Variants in TRIM33 observed in about 807,000 individuals in gnomAD.
TRIM33 encodes tripartite motif containing 33, also known as E3 ubiquitin-protein ligase TRIM33.
A neutral mutation model predicts 125.4 loss-of-function variants in TRIM33; 20 were observed. That is an observed-to-expected ratio of 0.16 (90% confidence interval 0.11 to 0.23). The LOEUF is 0.23. Among genes scored for constraint, TRIM33 ranks in the 10% least tolerant of loss-of-function variants. TRIM33 has a pLI of 1.00. For synonymous variants in TRIM33, 564 were observed against 513.9 expected (o/e 1.10, Z -1.32); for missense variants, 920 against 1,411.4 (o/e 0.65, Z 5.58).
chr1:114,501,673 G>A (rs1652728822), intron 1 of TRIM33, among the ~76,000 whole-genome samples: 1 of 152,154 alleles, frequency 6.6e-6, no homozygotes, highest in South Asian at 2.1e-4. Context: ...CATAGGCTCA[G>A]AATAAATCTT....
intron 1 of TRIM33, among the ~76,000 whole-genome samples, chr1:114,496,152 C>T (rs1311456543): frequency 6.6e-6 from 1 of 152,206 alleles, no homozygotes; most frequent in Non-Finnish European, 1.5e-5. Flanking sequence ...CATATCTGCC[C>T]TACGGCAGAC....
intron 1 of TRIM33, chr1:114,468,347 C>A: frequency 6.6e-6 from 2 of 303,720 alleles, no homozygotes; most frequent in South Asian, 3.0e-5. Flanking sequence ...TTTGATCCTA[C>A]TATGACCAAG....
chr1:114,464,048 C>A (rs931158535), intron 2 of TRIM33, among the ~76,000 whole-genome samples: 1 of 152,106 alleles, frequency 6.6e-6, no homozygotes, highest in Non-Finnish European at 1.5e-5. Flanking sequence ...CGACAACAGG[C>A]GTGAGCCACC....
chr1:114,473,382 T>C (rs1650774329), intron 1 of TRIM33, among the ~76,000 whole-genome samples: 2 of 152,124 alleles, frequency 1.3e-5, no homozygotes, highest in African/African-American at 4.8e-5. Flanking sequence ...GGGGTTCTTA[T>C]TCCTGACGCA....
At chr1:114,487,086 C>CAAA (rs60855013) in intron 1 of TRIM33, among the ~76,000 whole-genome samples, 1 of 118,404 alleles carries the variant, frequency 8.4e-6, no homozygotes, top group African/African-American at 3.1e-5. Flanking sequence ...GACTCTGTCT[C>CAAA]AAAAAAAAAA....
chr1:114,446,070 G>A (rs1301854294), intron 4 of TRIM33, among the ~76,000 whole-genome samples: 4 of 152,102 alleles, frequency 2.6e-5, no homozygotes, highest in African/African-American at 9.7e-5. Context: ...TGCCCAGACT[G>A]GTCTCGAACT....
chr1:114,475,693 A>AATG (rs1462194728), intron 1 of TRIM33, among the ~76,000 whole-genome samples: 4 of 151,288 alleles, frequency 2.6e-5, no homozygotes, highest in African/African-American at 9.7e-5. Context: ...AAATAAAAAT[A>AATG]AATGTTTAAC....
Position 114,397,633 on chromosome 1 carries a change from T to A in TRIM33, c.*15A>T. ...TTTTTTTTTTTTTAAACAATTGATT[T>A]AAATCCATGTCATTTTACTTTATAT... On this transcript the variant is annotated 3_prime_UTR_variant, in exon 20 of 20. Coordinates refer to ENST00000358465, the MANE Select transcript of TRIM33 (RefSeq NM_015906.4). 1 of 1,453,444 alleles carries A rather than the reference T, an allele frequency of 6.9e-7. No individual in the cohort carries two copies. The highest frequency in any genetic ancestry group is 9.6e-7 in the Non-Finnish European group (1 of 1,040,268). The allele number at this position is 1,453,444 out of a possible 1,614,324, so 90.0% of individuals were successfully genotyped here.
intron 4 of TRIM33, among the ~76,000 whole-genome samples, chr1:114,434,165 A>G (rs1443817225): frequency 6.6e-6 from 1 of 152,178 alleles, no homozygotes; most frequent in Non-Finnish European, 1.5e-5. Flanking sequence ...TTTTAATTAT[A>G]CATGTACTTA....
At chr1:114,498,808 A>G (rs1276757386) in intron 1 of TRIM33, among the ~76,000 whole-genome samples, 1 of 152,216 alleles carries the variant, frequency 6.6e-6, no homozygotes, top group African/African-American at 2.4e-5. Context: ...TAGTTCAATA[A>G]GAGTGGGAGG....
intron 15 of TRIM33, 32 bp downstream of exon 15, chr1:114,405,378 T>C (rs746500273): frequency 1.3e-6 from 2 of 1,520,350 alleles, no homozygotes; most frequent in African/African-American, 1.4e-5. Flanking sequence ...CTTATGAAAA[T>C]CAACACCAAA....
Position 114,429,791 on chromosome 1 carries a change from T to G in TRIM33, c.1155+1007A>C, listed in dbSNP as rs535999288. Among the ~76,000 whole-genome samples the G allele has an allele frequency of 1.6e-4, 24 of 152,268 alleles. No individual in the cohort carries two copies. The South Asian group carries it at 4.8e-3, about 30-fold the overall frequency. ...CAGAAAATATTTCTCTTTCCAAAAT[T>G]TCAACTTTCCAGAGCATGAAATTTT... On this transcript the variant is annotated intron_variant, in intron 6 of 19. Coordinates refer to ENST00000358465, the MANE Select transcript of TRIM33 (RefSeq NM_015906.4).
chr1:114,478,690 A>G (rs979945282), intron 1 of TRIM33, among the ~76,000 whole-genome samples: 3 of 152,232 alleles, frequency 2.0e-5, no homozygotes, highest in African/African-American at 7.2e-5. Context: ...CGAACTATAA[A>G]AAGAAGCCAC....
At chr1:114,418,830 A>AT (rs1653094505) in intron 11 of TRIM33, among the ~76,000 whole-genome samples, 1 of 151,456 alleles carries the variant, frequency 6.6e-6, no homozygotes, top group Non-Finnish European at 1.5e-5. Context: ...ATTAAGGGGG[A>AT]TTTTCCCACA....
chr1:114,425,370 G>A (rs1647496432), intron 9 of TRIM33, 79 bp downstream of exon 9: 3 of 1,534,852 alleles, frequency 2.0e-6, no homozygotes, highest in Non-Finnish European at 2.6e-6. Flanking sequence ...TTTGAAATGT[G>A]TAACTTAATT....
At chr1:114,420,533 A>G (rs919624018) in intron 11 of TRIM33, 2 of 704,284 alleles carry the variant, frequency 2.8e-6, no homozygotes, top group African/African-American at 1.8e-5. Context: ...CTGTTTAGAT[A>G]TTCCCATAAT....
chr1:114,407,309 C>A (rs1652308167), intron 13 of TRIM33, among the ~76,000 whole-genome samples: 1 of 151,864 alleles, frequency 6.6e-6, no homozygotes, highest in Non-Finnish European at 1.5e-5. Flanking sequence ...TTCAGAAGAC[C>A]CTAAAAACAC....
Position 114,397,717 on chromosome 1 carries a change from A to C in TRIM33, c.3315T>G (p.Ser1105=), listed in dbSNP as rs1651629272. ...TGCGGGGCTGTATAAAGTCTTCATC[A>C]GAGTCCTCAGTTACCTCACCATCAT... ...EEDDGEVTED[S]DEDFIQPRRK... is the part of the protein sequence containing the mutation. Residue 1105 remains serine, a synonymous_variant, in exon 20 of 20, where the codon TCT becomes TCG. Transcript: ENST00000358465. 1 of 1,612,266 alleles carries C rather than the reference A, an allele frequency of 6.2e-7. No homozygotes were observed. Among genetic ancestry groups the C allele is most frequent in the African/African-American group, 1.3e-5 (1 of 74,290 alleles).
intron 4 of TRIM33, among the ~76,000 whole-genome samples, chr1:114,459,417 C>T (rs529626365): frequency 5.8e-4 from 89 of 152,204 alleles, no homozygotes; most frequent in Admixed American, 5.7e-3. Flanking sequence ...AACTCTGTAC[C>T]CCTTCCCACA....
Sources: gnomAD v4.1 joint callset for allele counts (sites outside exome capture counted in the v4.1 genomes callset) on GRCh38, gnomAD v4.1.1 for gene constraint, MANE v1.5 for transcripts, NCBI Gene and HGNC (gene_info 2026-07-23, HGNC 2026-07-21) for gene names.